The following ARB2A variants were observed in gnomAD, a reference collection of about 807,000 sequenced individuals.
ARB2A encodes the protein cotranscriptional regulator ARB2A.
chr5:93,744,434 C>CAAAAAAAAGAAAAAAAAAAAAA, the ARB2A span, among the ~76,000 whole-genome samples: 1 of 14,534 alleles, frequency 6.9e-5, no homozygotes, highest in Non-Finnish European at 1.3e-4. Context: ...GACTCAGTCT[C>CAAAAAAAAGAAAAAAAAAAAAA]AAAAAAAAAA....
At chr5:93,798,407 C>G in the ARB2A span, among the ~76,000 whole-genome samples, 2 of 152,072 alleles carry the variant, frequency 1.3e-5, no homozygotes, top group Non-Finnish European at 2.9e-5. Flanking sequence ...ATTGATGCCA[C>G]TTTTTATTCA....
At chr5:93,683,302 A>T in the ARB2A span, 3 of 1,604,146 alleles carry the variant, frequency 1.9e-6, no homozygotes, top group Non-Finnish European at 2.5e-6. Flanking sequence ...ACCGCTTTCC[A>T]GATATACTTC....
the ARB2A span, among the ~76,000 whole-genome samples, chr5:93,809,959 T>C: frequency 6.6e-5 from 10 of 152,062 alleles, no homozygotes; most frequent in Admixed American, 5.2e-4. Context: ...TGTACTGACA[T>C]TGTGATAAGC....
At chr5:94,065,545 C>A in the ARB2A span, among the ~76,000 whole-genome samples, 1 of 151,920 alleles carries the variant, frequency 6.6e-6, no homozygotes, top group African/African-American at 2.4e-5. Context: ...ACATTCCATG[C>A]AAACGAAAAC....
At chr5:93,902,482 G>A in the ARB2A span, among the ~76,000 whole-genome samples, 2 of 152,120 alleles carry the variant, frequency 1.3e-5, no homozygotes, top group Non-Finnish European at 2.9e-5. Context: ...TACAAAGAAC[G>A]TTTCCATGGT....
At chr5:93,764,256 A>G in the ARB2A span, among the ~76,000 whole-genome samples, 1 of 152,212 alleles carries the variant, frequency 6.6e-6, no homozygotes. Flanking sequence ...TAATGAATCC[A>G]GGAGCTGGTT....
the ARB2A span, among the ~76,000 whole-genome samples, chr5:93,845,835 C>T: frequency 2.6e-5 from 4 of 152,258 alleles, no homozygotes; most frequent in Admixed American, 2.6e-4. Context: ...ATGGTATAGT[C>T]AGAAGCTAAA....
chr5:93,862,810 C>A, the ARB2A span: 1 of 152,122 alleles, frequency 6.6e-6, no homozygotes, highest in Non-Finnish European at 1.5e-5. Context: ...TCTGATAATA[C>A]TGATGCTTCT....
the ARB2A span, among the ~76,000 whole-genome samples, chr5:94,051,750 A>G: frequency 6.6e-6 from 1 of 152,356 alleles, no homozygotes; most frequent in African/African-American, 2.4e-5. Flanking sequence ...TATCTAAACC[A>G]GTCATCCTGC....
the ARB2A span, among the ~76,000 whole-genome samples, chr5:93,937,625 A>T: frequency 6.6e-6 from 1 of 151,020 alleles, no homozygotes; most frequent in Non-Finnish European, 1.5e-5. Flanking sequence ...AAAAAAAGAG[A>T]GTGTGTCATC....
the ARB2A span, among the ~76,000 whole-genome samples, chr5:93,976,289 T>TG: frequency 6.6e-6 from 1 of 152,182 alleles, no homozygotes; most frequent in African/African-American, 2.4e-5. Flanking sequence ...GAGTCATCTA[T>TG]GAAAAACACA....
the ARB2A span, among the ~76,000 whole-genome samples, chr5:93,712,516 T>C: frequency 6.6e-6 from 1 of 152,144 alleles, no homozygotes; most frequent in Non-Finnish European, 1.5e-5. Flanking sequence ...TACACGGTTT[T>C]AGTCATAGAT....
At chr5:93,790,574 GACAATGA>G in the ARB2A span, among the ~76,000 whole-genome samples, 1 of 152,144 alleles carries the variant, frequency 6.6e-6, no homozygotes, top group Non-Finnish European at 1.5e-5. Flanking sequence ...CTATGCACTT[GACAATGA>G]AAACAGAATT....
chr5:93,742,631 C>A, the ARB2A span, among the ~76,000 whole-genome samples: 9 of 152,118 alleles, frequency 5.9e-5, no homozygotes, highest in Non-Finnish European at 8.8e-5. Context: ...TTTAAACCAA[C>A]CATGATGTGG....
chr5:93,911,149 T>C, the ARB2A span, among the ~76,000 whole-genome samples: 2 of 151,570 alleles, frequency 1.3e-5, no homozygotes, highest in Non-Finnish European at 1.5e-5. Flanking sequence ...TCTTTAGGAA[T>C]ACAGAGAACT....
chr5:93,766,549 G>T, the ARB2A span, among the ~76,000 whole-genome samples: 2 of 152,284 alleles, frequency 1.3e-5, no homozygotes, highest in Non-Finnish European at 2.9e-5. Context: ...ACAGGTGCTG[G>T]AGAGGATGTG....
chr5:93,903,988 T>A, the ARB2A span, among the ~76,000 whole-genome samples: 102 of 152,018 alleles, frequency 6.7e-4, no homozygotes, highest in African/African-American at 1.9e-3. Flanking sequence ...TTGTAATGAG[T>A]GTTTCTAAAA....
the ARB2A span, among the ~76,000 whole-genome samples, chr5:93,939,494 C>A: frequency 6.6e-6 from 1 of 151,890 alleles, no homozygotes; most frequent in African/African-American, 2.4e-5. Context: ...AATTGCTAAG[C>A]CTGAGTACCA....
the ARB2A span, among the ~76,000 whole-genome samples, chr5:93,772,182 C>A: frequency 1.3e-5 from 2 of 152,166 alleles, no homozygotes; most frequent in African/African-American, 4.8e-5. Context: ...TGGAAATCAT[C>A]ATTCTCAGTA....
Sources: allele counts gnomAD v4.1 joint callset (sites outside exome capture counted in the v4.1 genomes callset), GRCh38; gene constraint gnomAD v4.1.1; transcripts MANE v1.5; gene names NCBI Gene and HGNC (gene_info 2026-07-23, HGNC 2026-07-21).